The following CLDN16 variants were observed in gnomAD, a reference collection of about 807,000 sequenced individuals.
CLDN16 encodes claudin 16, also known as claudin-16.
Under a neutral mutation model 24.6 loss-of-function variants are expected in CLDN16, and 13 were observed. That is an observed-to-expected ratio of 0.53 (90% CI 0.34 to 0.84). The LOEUF is 0.84. CLDN16 is among the 40% of genes least tolerant of loss of function. CLDN16 has a pLI of 0.01. For synonymous variants in CLDN16, 116 were observed against 106.7 expected (o/e 1.09, Z -0.54); for missense variants, 298 against 292.7 (o/e 1.02, Z -0.13).
intron 3 of CLDN16, among the ~76,000 whole-genome samples, chr3:190,379,608 T>C (rs565036480): frequency 6.6e-6 from 1 of 152,218 alleles, no homozygotes; most frequent in East Asian, 1.9e-4. Flanking sequence ...CATCATGTGG[T>C]CATCTACAAT....
At chr3:190,344,029 C>T (rs1314283812) in intron 1 of CLDN16, among the ~76,000 whole-genome samples, 1 of 150,874 alleles carries the variant, frequency 6.6e-6, no homozygotes, top group African/African-American at 2.5e-5. Context: ...TTTTGTTTCA[C>T]TGCAGCAATC....
intron 1 of CLDN16, among the ~76,000 whole-genome samples, chr3:190,336,227 C>T (rs930794327): frequency 2.0e-5 from 3 of 152,172 alleles, no homozygotes; most frequent in Non-Finnish European, 4.4e-5. Context: ...AGCCGGTGAA[C>T]CATAGGCCTT....
chr3:190,408,590 A>T, intron 4 of CLDN16, 85 bp downstream of exon 4: 1 of 1,295,952 alleles, frequency 7.7e-7, no homozygotes, highest in Non-Finnish European at 1.1e-6. Flanking sequence ...AAAGGAAAAA[A>T]ATGTTATTTA....
intron 2 of CLDN16, among the ~76,000 whole-genome samples, chr3:190,373,571 C>T (rs542644984): frequency 1.3e-5 from 2 of 151,842 alleles, no homozygotes; most frequent in East Asian, 2.0e-4. Context: ...GTGGTTAGGC[C>T]TCAAATATAG....
At chr3:190,309,287 C>T in the CLDN16 span, among the ~76,000 whole-genome samples, 1 of 152,156 alleles carries the variant, frequency 6.6e-6, no homozygotes, top group Admixed American at 6.6e-5. Context: ...ATTACCTTGG[C>T]GAAATTTTAG....
chr3:190,385,283 G>GA (rs144273237), upstream of CLDN16, among the ~76,000 whole-genome samples: 28,246 of 152,054 alleles, frequency 0.19, 3,046 homozygotes, highest in Middle Eastern at 0.29. Flanking sequence ...CTGCATCTGT[G>GA]CCCTCCATCC....
chr3:190,330,688 G>A (rs1380962658), intron 1 of CLDN16, among the ~76,000 whole-genome samples: 2 of 152,118 alleles, frequency 1.3e-5, no homozygotes. Context: ...ACAAGTACAT[G>A]ACCCTAAGGA....
chr3:190,393,400 C>A (rs1718728882), intron 1 of CLDN16, among the ~76,000 whole-genome samples: 1 of 152,170 alleles, frequency 6.6e-6, no homozygotes, highest in African/African-American at 2.4e-5. Flanking sequence ...CCTTACCAGG[C>A]AGTGGCTGTA....
chr3:190,385,929 GA>G (rs1320534391), upstream of CLDN16, among the ~76,000 whole-genome samples: 1 of 152,062 alleles, frequency 6.6e-6, no homozygotes, highest in African/African-American at 2.4e-5. Flanking sequence ...CCAATTTCCT[GA>G]ATCCAAATGT....
chr3:190,293,395 T>C, the CLDN16 span, among the ~76,000 whole-genome samples: 2 of 152,224 alleles, frequency 1.3e-5, no homozygotes, highest in African/African-American at 4.8e-5. Flanking sequence ...CCATGTAATA[T>C]ATAGGACCTT....
intron 3 of CLDN16, among the ~76,000 whole-genome samples, chr3:190,406,560 A>G (rs1478472161): frequency 8.5e-5 from 13 of 152,154 alleles, no homozygotes; most frequent in Admixed American, 8.5e-4. Context: ...AAGACAAAGC[A>G]TGTCCTAAGC....
chr3:190,371,467 G>A (rs975120971), intron 2 of CLDN16, among the ~76,000 whole-genome samples: 1 of 151,986 alleles, frequency 6.6e-6, no homozygotes, highest in African/African-American at 2.4e-5. Context: ...TCTCTATTAA[G>A]AAGGAACTTA....
At chr3:190,298,627 G>A in the CLDN16 span, among the ~76,000 whole-genome samples, 6 of 151,992 alleles carry the variant, frequency 3.9e-5, no homozygotes, top group African/African-American at 1.2e-4. Context: ...AGCTAATTTT[G>A]TATTTTTAGT....
chr3:190,382,555 C>A (rs1020774366), intron 3 of CLDN16, among the ~76,000 whole-genome samples: 2 of 152,054 alleles, frequency 1.3e-5, no homozygotes, highest in Admixed American at 6.6e-5. Context: ...CAATGGTGAT[C>A]CTACCACTAT....
chr3:190,338,533 C>T (rs6780419), intron 1 of CLDN16, among the ~76,000 whole-genome samples: 58,129 of 151,890 alleles, frequency 0.38, 11,547 homozygotes, highest in East Asian at 0.68. Flanking sequence ...CTGGCAAGTG[C>T]GTGGTAACTA....
At position 190,380,224 on chromosome 3, in the gene CLDN16, CT is replaced by C. The variant is rs1232730668; in HGVS notation, n.306+5625del. ...CCTTCCTTCCTTCCTCCCTTCCTTCCTTTTCTTCCTTCCCTCCCTTCCTTCC... is the reference window on the plus strand; with the variant it reads ...CCTTCCTTCCTTCCTCCCTTCCTTCCTTTCTTCCTTCCCTCCCTTCCTTCC... On this transcript the variant is annotated intron_variant and non_coding_transcript_variant, in intron 3 of 4. Coordinates refer to the CLDN16 transcript ENST00000468220. 4.1e-4 allele frequency among the ~76,000 whole-genome samples: 8 copies of C among 19,572 alleles called. 2 individuals carry two copies. Among genetic ancestry groups the C allele is most frequent in the Non-Finnish European group, 5.4e-4 (6 of 11,154 alleles). 12.8% of individuals were successfully genotyped at this position (19,572 alleles called of 152,430 possible). A position where few individuals can be genotyped will look rare whatever the true frequency, so the allele number is the denominator to read the frequency against.
chr3:190,319,743 C>T (rs1046634424), upstream of CLDN16, among the ~76,000 whole-genome samples: 8 of 152,200 alleles, frequency 5.3e-5, no homozygotes, highest in African/African-American at 1.9e-4. Flanking sequence ...CTTAAATATA[C>T]ACACATAACC....
the CLDN16 span, among the ~76,000 whole-genome samples, chr3:190,294,357 T>G: frequency 4.6e-5 from 7 of 152,172 alleles, no homozygotes; most frequent in African/African-American, 1.7e-4. Context: ...CTGTGGGCAC[T>G]TAATTCATAC....
In CLDN16 at chr3:190,398,615, C is replaced by T. The variant is rs9858637; in HGVS notation, c.115-3722C>T. On this transcript the variant is annotated intron_variant, in intron 1 of 4. Transcript: ENST00000264734. ...AATGTGGACATATCTTTCTGAGGGC[C>T]TCCATCTTTCTCCACCTTCACTGTG... 4.2e-3 allele frequency among the ~76,000 whole-genome samples: 633 copies of T among 152,240 alleles called. 6 individuals are homozygous for T. The highest frequency in any genetic ancestry group is 0.015 in the African/African-American group (617 of 41,556).
Sources: allele counts gnomAD v4.1 joint callset (sites outside exome capture counted in the v4.1 genomes callset), GRCh38; gene constraint gnomAD v4.1.1; transcripts MANE v1.5; gene names NCBI Gene and HGNC (gene_info 2026-07-23, HGNC 2026-07-21).